CTNNA2: variants seen among roughly 807,000 people sequenced by gnomAD.
CTNNA2 encodes catenin alpha 2.
A neutral mutation model predicts 101.0 loss-of-function variants in CTNNA2; 42 were observed. The ratio of observed to expected loss-of-function variants is 0.42; its 90% CI spans 0.32 to 0.54. CTNNA2 has a LOEUF of 0.54. Ranked by LOEUF, CTNNA2 falls within the 20% of genes least tolerant of loss-of-function variation. The pLI is 0.14. For missense variants in CTNNA2, 871 were observed against 1,223.1 expected (o/e 0.71, Z 4.29); for synonymous variants, 450 against 456.4 (o/e 0.99, Z 0.18).
rs763929431 is a variant in CTNNA2 at position 80,024,271 on chromosome 2, A to G, written c.1056+114474A>G. On this transcript the variant is annotated intron_variant, in intron 7 of 18. Transcript: ENST00000402739. ...TGCTGCCTCTATGAGTTTTACACAC[A>G]TAAATAAGACTTTTCAATAAAATGT... 1.7e-4 allele frequency among the ~76,000 whole-genome samples: 25 copies of G among 150,036 alleles called. 1 individual carries two copies. Among genetic ancestry groups the G allele is most frequent in the South Asian group, 1.0e-3 (5 of 4,824 alleles).
chr2:80,080,412 A>G (rs1573017859), intron 7 of CTNNA2, among the ~76,000 whole-genome samples: 1 of 152,186 alleles, frequency 6.6e-6, no homozygotes. Context: ...CACCTCGACA[A>G]TTCGATAGGG....
At chr2:79,235,109 G>A (rs1312944386) in intron 2 of CTNNA2, among the ~76,000 whole-genome samples, 3 of 152,154 alleles carry the variant, frequency 2.0e-5, no homozygotes, top group African/African-American at 4.8e-5. Context: ...GGCTTATGGA[G>A]TTTCCAGAAT....
intron 3 of CTNNA2, among the ~76,000 whole-genome samples, chr2:79,857,610 G>A (rs1681240629): frequency 6.6e-6 from 1 of 152,174 alleles, no homozygotes; most frequent in African/African-American, 2.4e-5. Context: ...TCAATTCCAT[G>A]TGGAACAATT....
At chr2:80,452,121 T>C (rs549678454) in intron 9 of CTNNA2, among the ~76,000 whole-genome samples, 56 of 152,318 alleles carry the variant, frequency 3.7e-4, no homozygotes, top group Non-Finnish European at 6.5e-4. Context: ...TATTTATAAA[T>C]ACTATTATTT....
chr2:80,571,166 G>A (rs1412175253), intron 12 of CTNNA2, among the ~76,000 whole-genome samples: 1 of 152,128 alleles, frequency 6.6e-6, no homozygotes, highest in African/African-American at 2.4e-5. Context: ...ATTCGAGAAA[G>A]GTCTTCATGC....
chr2:80,057,353 T>C (rs1697287232), intron 7 of CTNNA2, among the ~76,000 whole-genome samples: 1 of 152,196 alleles, frequency 6.6e-6, no homozygotes, highest in Non-Finnish European at 1.5e-5. Flanking sequence ...ATATAATTTG[T>C]CCGGAACTAA....
intron 9 of CTNNA2, among the ~76,000 whole-genome samples, chr2:80,484,777 C>T (rs1249899116): frequency 4.6e-5 from 7 of 152,100 alleles, no homozygotes; most frequent in Non-Finnish European, 7.4e-5. Flanking sequence ...GAGGCCAAGG[C>T]GGGCGGATCA....
chr2:79,454,896 T>G (rs2104529980), intron 4 of CTNNA2, among the ~76,000 whole-genome samples: 1 of 152,312 alleles, frequency 6.6e-6, no homozygotes, highest in South Asian at 2.1e-4. Context: ...CTTGTTACAC[T>G]ATAATATTGG....
At chr2:79,271,837 G>A (rs1269785630) in intron 2 of CTNNA2, among the ~76,000 whole-genome samples, 1 of 151,960 alleles carries the variant, frequency 6.6e-6, no homozygotes, top group Non-Finnish European at 1.5e-5. Context: ...TTACCCTTTG[G>A]CTCCATCCCT....
chr2:79,340,725 T>C (rs899621494), intron 3 of CTNNA2, among the ~76,000 whole-genome samples: 1 of 143,614 alleles, frequency 7.0e-6, no homozygotes, highest in Non-Finnish European at 1.5e-5. Flanking sequence ...TCCCAGCTAC[T>C]GGGGAGGCTG....
intron 3 of CTNNA2, among the ~76,000 whole-genome samples, chr2:79,843,406 A>G (rs1287265558): frequency 1.3e-5 from 2 of 152,190 alleles, no homozygotes; most frequent in Non-Finnish European, 2.9e-5. Flanking sequence ...CTTCTTTTCT[A>G]TGTTAATATA....
At chr2:80,158,044 A>C (rs1292152613) in intron 7 of CTNNA2, among the ~76,000 whole-genome samples, 4 of 152,200 alleles carry the variant, frequency 2.6e-5, no homozygotes, top group African/African-American at 9.6e-5. Context: ...CTGATCAATT[A>C]GGTAAAAAGC....
intron 7 of CTNNA2, among the ~76,000 whole-genome samples, chr2:80,107,907 C>T (rs904960651): frequency 1.8e-4 from 27 of 152,174 alleles, no homozygotes; most frequent in African/African-American, 6.5e-4. Context: ...TGATCCCTCC[C>T]ACAAGAGGTT....
At chr2:80,602,293 T>A (rs778956520) in intron 15 of CTNNA2, among the ~76,000 whole-genome samples, 4 of 152,034 alleles carry the variant, frequency 2.6e-5, no homozygotes, top group Non-Finnish European at 5.9e-5. Context: ...TATGGGGGCC[T>A]GAGCATCAAG....
intron 3 of CTNNA2, among the ~76,000 whole-genome samples, chr2:79,314,425 A>G (rs1676449942): frequency 6.6e-6 from 1 of 152,232 alleles, no homozygotes; most frequent in Non-Finnish European, 1.5e-5. Context: ...CCTCTCAGGA[A>G]GAATATGCGT....
At chr2:79,625,712 A>G (rs552287853) in intron 1 of CTNNA2, among the ~76,000 whole-genome samples, 1 of 152,300 alleles carries the variant, frequency 6.6e-6, no homozygotes, top group East Asian at 1.9e-4. Flanking sequence ...TCCTGAGCCT[A>G]AAGAAAGAAT....
At chr2:79,487,752 C>G (rs1671171469) in intron 4 of CTNNA2, among the ~76,000 whole-genome samples, 1 of 152,164 alleles carries the variant, frequency 6.6e-6, no homozygotes, top group Admixed American at 6.5e-5. Flanking sequence ...TGAGTGAGAA[C>G]TACCCAAATG....
At chr2:79,302,515 C>T (rs1558615083) in intron 2 of CTNNA2, among the ~76,000 whole-genome samples, 1 of 152,148 alleles carries the variant, frequency 6.6e-6, no homozygotes, top group Non-Finnish European at 1.5e-5. Context: ...TAGAGAGTTT[C>T]AGCTATCTTT....
At chr2:79,380,426 C>T (rs1270914066) in intron 4 of CTNNA2, among the ~76,000 whole-genome samples, 2 of 151,926 alleles carry the variant, frequency 1.3e-5, no homozygotes, top group African/African-American at 2.4e-5. Flanking sequence ...ATTAGTCTGT[C>T]AAGCCAACTG....
Sources: gnomAD v4.1 joint callset for allele counts (sites outside exome capture counted in the v4.1 genomes callset) on GRCh38, gnomAD v4.1.1 for gene constraint, MANE v1.5 for transcripts, NCBI Gene and HGNC (gene_info 2026-07-23, HGNC 2026-07-21) for gene names.